The following KRR1 variants were observed in gnomAD, a reference collection of about 807,000 sequenced individuals.
The protein encoded by KRR1 is KRR1 small subunit processome component.
KRR1 carries 23 observed loss-of-function variants against 50.0 expected under a neutral mutation model. That is an observed-to-expected ratio of 0.46 (90% CI 0.33 to 0.65). KRR1 has a LOEUF of 0.65. Among genes scored for constraint, KRR1 ranks in the 30% least tolerant of loss-of-function variants. The pLI, the probability that KRR1 is intolerant of heterozygous loss-of-function variation, is 0.02. For missense variants in KRR1, 419 were observed against 442.4 expected (o/e 0.95, Z 0.47); for synonymous variants, 133 against 146.3 (o/e 0.91, Z 0.66).
Position 75,499,028 on chromosome 12 carries a change from C to CTT in KRR1, c.*779_*780dup. The CTT allele has an allele frequency of 7.9e-7, 1 of 1,269,610 alleles. No homozygotes were observed. 78.6% of individuals were successfully genotyped at this position (1,269,610 alleles called of 1,614,324 possible). On this transcript the variant is annotated 3_prime_UTR_variant, in exon 10 of 10. Transcript: ENST00000229214. ...AAAAACCAACCTCATTCACATATGG[C>CTT]TTTTTTTTTAACCAATAACAATTAG...
At chr12:75,508,933 C>T (rs2046434637) in intron 1 of KRR1, among the ~76,000 whole-genome samples, 1 of 152,150 alleles carries the variant, frequency 6.6e-6, no homozygotes, top group African/African-American at 2.4e-5. Context: ...AGTTAATAAT[C>T]ACTGGTAATT....
intron 9 of KRR1, chr12:75,501,512 G>A: frequency 1.9e-6 from 1 of 523,228 alleles, no homozygotes. Context: ...GTCAGGAGAG[G>A]ACTGTCAATC....
chr12:75,496,010 T>TC lies in KRR1; in HGVS notation c.*3798_*3799insG, dbSNP rs1278499680. The TC allele has an allele frequency of 1.7e-5, 2 of 116,068 alleles. No individual in the cohort carries two copies. Among genetic ancestry groups the TC allele is most frequent in the Non-Finnish European group, 3.8e-5 (2 of 52,430 alleles). The allele number at this position is 116,068 out of a possible 1,614,324, so 7.2% of individuals were successfully genotyped here. On this transcript the variant is annotated 3_prime_UTR_variant, in exon 10 of 10. Transcript: ENST00000229214. ...AATTCTGTTTTCGTTTTTTTTTTTG[T>TC]TTTTTTTTTTTGAGACAGAGTCTTG...
chr12:75,491,611 A>G lies in KRR1; in HGVS notation c.*8198T>C, dbSNP rs1320146490. The G allele has an allele frequency of 6.6e-6, 1 of 152,158 alleles. No individual in the cohort carries two copies. The highest frequency in any genetic ancestry group is 1.5e-5 in the Non-Finnish European group (1 of 68,022). The allele number at this position is 152,158 out of a possible 1,614,324, so 9.4% of individuals were successfully genotyped here. ...TTATATCAATTTGTATTTCACCATC[A>G]GTACTAGGTATTATAATTTCTTAGT... On this transcript the variant is annotated 3_prime_UTR_variant, in exon 10 of 10. Coordinates refer to ENST00000229214, the MANE Select transcript of KRR1 (RefSeq NM_007043.7).
chr12:75,500,058 G>T, intron 9 of KRR1, 107 bp from the exon 10 acceptor site: 1 of 804,312 alleles, frequency 1.2e-6, no homozygotes, highest in Non-Finnish European at 1.9e-6. Flanking sequence ...TAACTTCAGA[G>T]TATTCTTATA....
chr12:75,498,762 G>T lies in KRR1; in HGVS notation c.*1047C>A. 5 of 1,607,678 alleles carry T rather than the reference G, an allele frequency of 3.1e-6. No individual in the cohort carries two copies. The highest frequency in any genetic ancestry group is 4.3e-6 in the Non-Finnish European group (5 of 1,174,768). ...TAAATTGTTTCATTAAGAGCTATGT[G>T]AATTCTGTCAGTGCATTATGAGGAA... On this transcript the variant is annotated 3_prime_UTR_variant, in exon 10 of 10. Transcript: ENST00000229214.
rs890317273 is a variant in KRR1, at chr12:75,495,275, G to C, written c.*4534C>G. ...TCTGACTCTGAAGTGTATAAATTGT[G>C]ATTAAAGGTATCTCTTACATCTTTT... On this transcript the variant is annotated 3_prime_UTR_variant, in exon 10 of 10. Transcript: ENST00000229214. 4.1e-6 allele frequency: 1 copy of C among 241,162 alleles called. No homozygotes were observed. Among genetic ancestry groups the C allele is most frequent in the African/African-American group, 2.2e-5 (1 of 44,814 alleles). The allele number at this position is 241,162 out of a possible 1,614,324, so 14.9% of individuals were successfully genotyped here.
At position 75,499,791 on chromosome 12, in the gene KRR1, C is replaced by A. The variant is rs1433626268; in HGVS notation, c.*18G>T. The A allele has an allele frequency of 3.8e-6, 6 of 1,576,910 alleles. No homozygotes were observed. In the African/African-American group the frequency reaches 4.1e-5, roughly 11 times the overall value. On this transcript the variant is annotated 3_prime_UTR_variant, in exon 10 of 10. Transcript: ENST00000229214. ...CTTTACAAAAGGAGATAGTTCTAGTCAAGGAGTTTTGGGTATGTTACTTTT... is the reference window on the plus strand; with the variant it reads ...CTTTACAAAAGGAGATAGTTCTAGTAAAGGAGTTTTGGGTATGTTACTTTT...
In KRR1 at chr12:75,497,042, T is replaced by C. The variant is rs1206119792; in HGVS notation, c.*2767A>G. On this transcript the variant is annotated 3_prime_UTR_variant, in exon 10 of 10. Transcript: ENST00000229214. ...CACTCACTCTTCACTTCAGAACGTATATATTTCTTCCTTCCAAATTAACCA... is the reference window on the plus strand; with the variant it reads ...CACTCACTCTTCACTTCAGAACGTACATATTTCTTCCTTCCAAATTAACCA... 2.0e-5 allele frequency: 3 copies of C among 152,218 alleles called. No homozygotes were observed. Among genetic ancestry groups the C allele is most frequent in the African/African-American group, 7.2e-5 (3 of 41,464 alleles). 9.4% of individuals were successfully genotyped at this position (152,218 alleles called of 1,614,324 possible).
chr12:75,511,459 A>G (rs1406237944), intron 1 of KRR1, 54 bp downstream of exon 1: 40 of 1,487,206 alleles, frequency 2.7e-5, no homozygotes, highest in Non-Finnish European at 3.7e-5. Context: ...AAAGAAAAAA[A>G]CATCGCAACT....
chr12:75,501,541 G>A, intron 9 of KRR1, 182 bp downstream of exon 9: 4 of 567,450 alleles, frequency 7.0e-6, no homozygotes, highest in Middle Eastern at 4.8e-4. Context: ...ACTGAAATAG[G>A]CATTAGCTGC....
rs780966094 is a variant in KRR1 at position 75,506,399 on chromosome 12, C to T, written c.520G>A (p.Ala174Thr). Reference sequence around the variant, plus strand: ...TAACAATTAGTTAAGAGTTCCAATGCCTGTATCAAGAGATCAAGTTAAAAT... The same window carrying T: ...TAACAATTAGTTAAGAGTTCCAATGTCTGTATCAAGAGATCAAGTTAAAAT... ...LIGPKGSTLKALELLTNCYIM... is the reference protein window; with the variant it reads ...LIGPKGSTLKTLELLTNCYIM... Residue 174 changes from alanine (A) to threonine (T), a missense_variant and splice_region_variant, in exon 5 of 10, where the codon GCA (alanine) becomes ACA (threonine). Coordinates refer to ENST00000229214, the MANE Select transcript of KRR1 (RefSeq NM_007043.7). The T allele has an allele frequency of 1.2e-6, 2 of 1,607,416 alleles. No individual in the cohort carries two copies. Among genetic ancestry groups the T allele is most frequent in the South Asian group, 1.1e-5 (1 of 90,638 alleles).
At chr12:75,506,745 T>G in intron 3 of KRR1, 37 bp downstream of exon 3, 1 of 1,597,774 alleles carries the variant, frequency 6.3e-7, no homozygotes, top group Non-Finnish European at 8.5e-7. Context: ...TTAACACTGA[T>G]GCAAACAAAG....
rs2046363409 is a variant in KRR1, at chr12:75,498,180, G to T, written c.*1629C>A. On this transcript the variant is annotated 3_prime_UTR_variant, in exon 10 of 10. Coordinates refer to ENST00000229214, the MANE Select transcript of KRR1 (RefSeq NM_007043.7). ...TTTATTTCTTCCCAGTGCTCTGATT[G>T]TCAAAATTTGAATAAAGCTCAGTGA... The T allele has an allele frequency of 6.6e-6, 1 of 152,298 alleles. No individual in the cohort carries two copies. The highest frequency in any genetic ancestry group is 1.9e-4 in the East Asian group (1 of 5,208). The allele number at this position is 152,298 out of a possible 1,614,324, so 9.4% of individuals were successfully genotyped here.
In KRR1 at chr12:75,499,068, T is replaced by TAAAACATTTCAGAAAAAAATATA. The variant is rs2046371740; in HGVS notation, c.*718_*740dup. The TAAAACATTTCAGAAAAAAATATA allele has an allele frequency of 2.5e-6, 2 of 795,860 alleles. No homozygotes were observed. The highest frequency in any genetic ancestry group is 4.6e-5 in the South Asian group (2 of 43,528). The allele number at this position is 795,860 out of a possible 1,614,324, so 49.3% of individuals were successfully genotyped here. ...ATAACAATTAGGTGTACTTCTATTTTAAAACATTTCAGAAAAAAATATATG... is the reference window on the plus strand; with the variant it reads ...ATAACAATTAGGTGTACTTCTATTTTAAAACATTTCAGAAAAAAATATAAAAACATTTCAGAAAAAAATATATG... On this transcript the variant is annotated 3_prime_UTR_variant, in exon 10 of 10. Coordinates refer to ENST00000229214, the MANE Select transcript of KRR1 (RefSeq NM_007043.7).
At chr12:75,509,206 TA>T (rs1260655753) in intron 1 of KRR1, among the ~76,000 whole-genome samples, 1 of 152,172 alleles carries the variant, frequency 6.6e-6, no homozygotes, top group African/African-American at 2.4e-5. Flanking sequence ...TTAATTTCAA[TA>T]GCTATACTCT....
In KRR1 at chr12:75,498,925, A is replaced by T; in HGVS notation, c.*884T>A. 6.2e-7 allele frequency: 1 copy of T among 1,608,394 alleles called. No homozygotes were observed. The highest frequency in any genetic ancestry group is 8.5e-7 in the Non-Finnish European group (1 of 1,175,430). On this transcript the variant is annotated 3_prime_UTR_variant, in exon 10 of 10. Coordinates refer to ENST00000229214, the MANE Select transcript of KRR1 (RefSeq NM_007043.7). Reference sequence around the variant, plus strand: ...TTCAGTAATTCTAATACTGTCTGTTATAATTACCATTTTGGTACAGCACAA... The same window carrying T: ...TTCAGTAATTCTAATACTGTCTGTTTTAATTACCATTTTGGTACAGCACAA...
rs576849644 is a variant in KRR1, at chr12:75,493,111, A to G, written c.*6698T>C. 2.7e-4 allele frequency: 41 copies of G among 152,284 alleles called. No individual in the cohort carries two copies. Among genetic ancestry groups the G allele is most frequent in the African/African-American group, 9.4e-4 (39 of 41,554 alleles). 9.4% of individuals were successfully genotyped at this position (152,284 alleles called of 1,614,324 possible). A position where few individuals can be genotyped will look rare whatever the true frequency, so the allele number is the denominator to read the frequency against. The stretch of plus-strand genomic sequence containing the variant: ...CTAAACAGATGAAACGGGGGGAGGA[A>G]GGCAGTTGCAGATCTAGCGGGAACT... On this transcript the variant is annotated 3_prime_UTR_variant, in exon 10 of 10. Coordinates refer to ENST00000229214, the MANE Select transcript of KRR1 (RefSeq NM_007043.7).
rs1166315465 is a variant in KRR1, at chr12:75,492,338, T to C, written c.*7471A>G. 6.6e-6 allele frequency: 1 copy of C among 152,236 alleles called. No homozygotes were observed. Among genetic ancestry groups the C allele is most frequent in the East Asian group, 1.9e-4 (1 of 5,196 alleles). The allele number at this position is 152,236 out of a possible 1,614,324, so 9.4% of individuals were successfully genotyped here. A position where few individuals can be genotyped will look rare whatever the true frequency, so the allele number is the denominator to read the frequency against. On this transcript the variant is annotated 3_prime_UTR_variant, in exon 10 of 10. Coordinates refer to ENST00000229214, the MANE Select transcript of KRR1 (RefSeq NM_007043.7). The stretch of plus-strand genomic sequence containing the variant: ...CTAAAGTGATCCACCTGCCTCAGCC[T>C]CCCAGAGTGCTGGGATTATAGGCAT...
Sources: allele counts gnomAD v4.1 joint callset (sites outside exome capture counted in the v4.1 genomes callset), GRCh38; gene constraint gnomAD v4.1.1; transcripts MANE v1.5; gene names NCBI Gene and HGNC (gene_info 2026-07-23, HGNC 2026-07-21).